The following NCKAP5 variants were observed in gnomAD, a reference collection of about 807,000 sequenced individuals.
NCKAP5 encodes the protein NCK associated protein 5.
Under a neutral mutation model 167.0 loss-of-function variants are expected in NCKAP5, and 92 were observed. That is an observed-to-expected ratio of 0.55 (90% CI 0.47 to 0.66). The LOEUF (loss-of-function observed/expected upper bound fraction) is 0.66, where lower values mean the gene tolerates loss of function less well. Among genes scored for constraint, NCKAP5 ranks in the 30% least tolerant of loss-of-function variants. NCKAP5 has a pLI of 0.00. For synonymous variants in NCKAP5, 891 were observed against 877.4 expected (o/e 1.02, Z -0.27); for missense variants, 2,378 against 2,315.0 (o/e 1.03, Z -0.56).
intron 8 of NCKAP5, among the ~76,000 whole-genome samples, chr2:132,961,790 T>G (rs931371569): frequency 9.2e-5 from 14 of 152,248 alleles, no homozygotes; most frequent in Non-Finnish European, 5.9e-5. Context: ...ATTAATTTTC[T>G]CTGTAGTCAT....
At chr2:133,275,140 G>A (rs1281359768) in intron 4 of NCKAP5, among the ~76,000 whole-genome samples, 3 of 151,886 alleles carry the variant, frequency 2.0e-5, no homozygotes, top group Admixed American at 6.6e-5. Flanking sequence ...ATAGTTAAGT[G>A]GCAATAACTA....
At chr2:133,258,644 C>A (rs556838070) in intron 4 of NCKAP5, among the ~76,000 whole-genome samples, 2 of 151,686 alleles carry the variant, frequency 1.3e-5, no homozygotes. Flanking sequence ...ACTAGGGAGG[C>A]TGAGGTGGGA....
intron 6 of NCKAP5, among the ~76,000 whole-genome samples, chr2:133,104,234 G>A (rs764490197): frequency 2.6e-5 from 4 of 152,156 alleles, no homozygotes; most frequent in Admixed American, 6.5e-5. Context: ...AGAGCACAGC[G>A]TCAAAGAGAT....
the NCKAP5 span, among the ~76,000 whole-genome samples, chr2:133,657,993 A>G: frequency 1.3e-5 from 2 of 152,216 alleles, no homozygotes; most frequent in South Asian, 2.1e-4. Flanking sequence ...AAAGAGCTGA[A>G]GAGTTCAAGA....
chr2:132,773,568 T>C (rs1384011437), intron 16 of NCKAP5, among the ~76,000 whole-genome samples: 3 of 152,266 alleles, frequency 2.0e-5, no homozygotes, highest in South Asian at 2.1e-4. Context: ...TCATTTCATA[T>C]TGACAAATAC....
chr2:132,832,166 A>G (rs1056563991), intron 11 of NCKAP5, among the ~76,000 whole-genome samples: 1 of 151,996 alleles, frequency 6.6e-6, no homozygotes, highest in African/African-American at 2.4e-5. Flanking sequence ...GCATGATGGG[A>G]TTTTGATTTA....
the NCKAP5 span, among the ~76,000 whole-genome samples, chr2:133,664,230 T>C: frequency 6.6e-6 from 1 of 152,250 alleles, no homozygotes; most frequent in Non-Finnish European, 1.5e-5. Flanking sequence ...TATAAACAGA[T>C]ACACTGTCAT....
At chr2:132,885,009 A>C (rs552070246) in intron 8 of NCKAP5, among the ~76,000 whole-genome samples, 1 of 152,318 alleles carries the variant, frequency 6.6e-6, no homozygotes, top group East Asian at 1.9e-4. Flanking sequence ...CACAATAGTC[A>C]CATTTATGGT....
At chr2:133,630,353 T>C in the NCKAP5 span, among the ~76,000 whole-genome samples, 1 of 152,180 alleles carries the variant, frequency 6.6e-6, no homozygotes, top group South Asian at 2.1e-4. Flanking sequence ...ATGGAATTTC[T>C]TCTTTGAAGT....
the NCKAP5 span, among the ~76,000 whole-genome samples, chr2:133,624,171 G>T: frequency 0.013 from 1,906 of 152,058 alleles, 45 homozygotes; most frequent in African/African-American, 0.043. Flanking sequence ...ACTACACATT[G>T]GGTACAGGGT....
chr2:133,439,843 G>C (rs1473888083), intron 3 of NCKAP5, among the ~76,000 whole-genome samples: 1 of 152,026 alleles, frequency 6.6e-6, no homozygotes, highest in African/African-American at 2.4e-5. Flanking sequence ...CATGTTTTAT[G>C]GACTAATAAT....
chr2:133,326,097 C>T (rs1682419139), intron 3 of NCKAP5, among the ~76,000 whole-genome samples: 1 of 152,154 alleles, frequency 6.6e-6, no homozygotes, highest in African/African-American at 2.4e-5. Context: ...CAGTGGGCCA[C>T]TTTAGGGATG....
intron 3 of NCKAP5, among the ~76,000 whole-genome samples, chr2:133,400,992 A>T (rs567996517): frequency 6.6e-6 from 1 of 152,266 alleles, no homozygotes; most frequent in Non-Finnish European, 1.5e-5. Context: ...TACTCTGATG[A>T]GGTGACTCTT....
At chr2:133,271,412 T>C (rs1310764131) in intron 4 of NCKAP5, among the ~76,000 whole-genome samples, 1 of 152,296 alleles carries the variant, frequency 6.6e-6, no homozygotes, top group East Asian at 1.9e-4. Flanking sequence ...TCACCTGACA[T>C]GTTTCTCCTT....
chr2:133,287,809 G>A (rs1373318796), intron 4 of NCKAP5, among the ~76,000 whole-genome samples: 5 of 152,202 alleles, frequency 3.3e-5, no homozygotes, highest in Non-Finnish European at 7.3e-5. Flanking sequence ...GATGGTTAGG[G>A]CTTGTCTATT....
intron 6 of NCKAP5, among the ~76,000 whole-genome samples, chr2:133,049,552 A>T (rs1371877638): frequency 6.6e-6 from 1 of 151,660 alleles, no homozygotes; most frequent in East Asian, 1.9e-4. Flanking sequence ...CTCAAAAAAA[A>T]AAAAAAAAAA....
intron 4 of NCKAP5, among the ~76,000 whole-genome samples, chr2:133,234,999 C>A (rs1303711415): frequency 6.7e-6 from 1 of 148,754 alleles, no homozygotes; most frequent in Non-Finnish European, 1.5e-5. Context: ...GACTGAGGGA[C>A]CCCATCCAAC....
rs534076767 is a variant in NCKAP5, at chr2:132,782,788, G to A, written c.4023C>T (p.Pro1341=). 5.6e-6 allele frequency: 9 copies of A among 1,613,894 alleles called. No individual in the cohort carries two copies. Among genetic ancestry groups the A allele is most frequent in the Admixed American group, 1.7e-5 (1 of 60,016 alleles). ...MLESLPSVGR[P]SGHPSSGKGS... ...CCTTCCCGGAGGAGGGGTGCCCCGAGGGCCTCCCAACACTGGGGAGACTCT... is the reference window on the plus strand; with the variant it reads ...CCTTCCCGGAGGAGGGGTGCCCCGAAGGCCTCCCAACACTGGGGAGACTCT... The change falls in exon 14 of 20, where the codon CCC becomes CCT. Residue 1341 remains proline, a synonymous_variant. Transcript: ENST00000409261.
chr2:133,316,853 T>C (rs962254874), intron 3 of NCKAP5, among the ~76,000 whole-genome samples: 4 of 152,212 alleles, frequency 2.6e-5, no homozygotes, highest in Non-Finnish European at 4.4e-5. Flanking sequence ...CTGTTGTTTG[T>C]ATTAAGCAGC....
Sources: gnomAD v4.1 joint callset for allele counts (sites outside exome capture counted in the v4.1 genomes callset) on GRCh38, gnomAD v4.1.1 for gene constraint, MANE v1.5 for transcripts, NCBI Gene and HGNC (gene_info 2026-07-23, HGNC 2026-07-21) for gene names.